NBEA: variants seen among roughly 807,000 people sequenced by gnomAD.
NBEA encodes neurobeachin, also known as lysosomal-trafficking regulator 2.
In NBEA, 44 loss-of-function variants were observed where a neutral mutation model predicts 343.4. The ratio of observed to expected loss-of-function variants is 0.13; its 90% CI spans 0.10 to 0.16. The LOEUF (loss-of-function observed/expected upper bound fraction) is 0.16, where lower values mean the gene tolerates loss of function less well. Ranked by LOEUF, NBEA falls within the 10% of genes least tolerant of loss-of-function variation. The pLI, the probability that NBEA is intolerant of heterozygous loss-of-function variation, is 1.00. For missense variants in NBEA, 2,555 were observed against 3,631.3 expected, an observed-to-expected ratio of 0.70 and a Z score of 7.62; for synonymous variants, 1,175 against 1,238.7, an observed-to-expected ratio of 0.95 and a Z score of 1.08.
chr13:35,082,552 T>C (rs1426374210), intron 10 of NBEA, among the ~76,000 whole-genome samples: 3 of 152,222 alleles, frequency 2.0e-5, no homozygotes, highest in Non-Finnish European at 4.4e-5. Context: ...AAAGTGTTCC[T>C]ATTTCTCCAC....
At chr13:35,566,847 A>T in intron 44 of NBEA, 58 bp from the exon 45 acceptor site, 1 of 919,966 alleles carries the variant, frequency 1.1e-6, no homozygotes, top group Non-Finnish European at 1.7e-6. Context: ...GTAAAAACAG[A>T]AACTATTTCA....
chr13:35,448,468 G>A (rs9530603), intron 39 of NBEA, among the ~76,000 whole-genome samples: 66,612 of 152,036 alleles, frequency 0.44, 17,288 homozygotes, highest in Middle Eastern at 0.61. Context: ...CTGAGATTCT[G>A]AGATACCCTG....
chr13:35,187,572 C>T (rs1464088615), intron 30 of NBEA, among the ~76,000 whole-genome samples: 1 of 151,578 alleles, frequency 6.6e-6, no homozygotes, highest in Non-Finnish European at 1.5e-5. Context: ...AGTTAAAATG[C>T]CTTAACATGG....
intron 36 of NBEA, among the ~76,000 whole-genome samples, chr13:35,336,371 A>G (rs1235810257): frequency 6.6e-6 from 1 of 152,100 alleles, no homozygotes; most frequent in Non-Finnish European, 1.5e-5. Flanking sequence ...ACAGACATTA[A>G]GTTTTTAAAA....
chr13:35,670,990 G>A lies in NBEA; in HGVS notation c.8903G>A (p.Ter2968=), dbSNP rs267603810. ...RWHYEHQNRY[*] ...CATTATGAGCATCAGAACAGATACT[G>A]AAGATAAAGGAAGAACCAAAAGCCA... The change falls in exon 59 of 59, where the codon TGA becomes TAA. Residue 2968 remains the stop codon, a stop_retained_variant. Transcript: ENST00000379939. The A allele has an allele frequency of 1.3e-6, 2 of 1,562,152 alleles. No homozygotes were observed. Among genetic ancestry groups the A allele is most frequent in the Non-Finnish European group, 1.7e-6 (2 of 1,150,418 alleles).
intron 49 of NBEA, among the ~76,000 whole-genome samples, chr13:35,641,388 A>G (rs918106623): frequency 1.3e-5 from 2 of 152,196 alleles, no homozygotes; most frequent in African/African-American, 4.8e-5. Context: ...GAATCTTCTA[A>G]GCAACTTTAT....
Position 35,427,609 on chromosome 13 carries a change from G to A in NBEA, c.6180-4660G>A, listed in dbSNP as rs539396092. ...ACCCACTTGAGGAGGCAGTCTGCCC[G>A]TTCTCAGATCTCAATCTGTGTGCTG... On this transcript the variant is annotated intron_variant, in intron 38 of 58. Transcript: ENST00000379939. Among the ~76,000 whole-genome samples, 227 of 152,300 alleles carry A rather than the reference G, an allele frequency of 1.5e-3. 1 individual carries two copies. Among genetic ancestry groups the A allele is most frequent in the African/African-American group, 4.3e-3 (179 of 41,566 alleles).
intron 13 of NBEA, among the ~76,000 whole-genome samples, chr13:35,114,752 A>G (rs2066411004): frequency 2.0e-5 from 3 of 152,310 alleles, no homozygotes; most frequent in South Asian, 4.1e-4. Context: ...TGGAATCAGC[A>G]TTTATTTTCC....
chr13:35,106,886 T>A (rs892475698), intron 11 of NBEA, among the ~76,000 whole-genome samples: 1 of 151,874 alleles, frequency 6.6e-6, no homozygotes, highest in South Asian at 2.1e-4. Context: ...GATATGTTTA[T>A]AATGGTCAGC....
At position 35,196,159 on chromosome 13, in the gene NBEA, C is replaced by A. The variant is rs199731274; in HGVS notation, c.5223C>A (p.Ile1741=). 6.2e-7 allele frequency: 1 copy of A among 1,613,638 alleles called. No homozygotes were observed. Among genetic ancestry groups the A allele is most frequent in the Non-Finnish European group, 8.5e-7 (1 of 1,179,730 alleles). Residue 1741 remains isoleucine, a synonymous_variant, in exon 31 of 59, where the codon ATC becomes ATA. Transcript: ENST00000379939. The stretch of plus-strand genomic sequence containing the variant: ...CTAGCATTAGTCAAACCAAAGGCAT[C>A]AATGTGAAGGAAATACTGAAAAGTC... The part of the protein sequence containing the change: ...SISSISQTKG[I]NVKEILKSLV...
chr13:35,310,599 A>C (rs1189987088), intron 36 of NBEA, among the ~76,000 whole-genome samples: 2 of 152,174 alleles, frequency 1.3e-5, no homozygotes, highest in Non-Finnish European at 2.9e-5. Context: ...TTATTTTTGC[A>C]GTGCTTTATT....
chr13:35,475,939 T>G (rs755262229), intron 41 of NBEA: 23 of 1,614,046 alleles, frequency 1.4e-5, no homozygotes, highest in Non-Finnish European at 1.9e-5. Flanking sequence ...GGAGATGACC[T>G]CGAGGCCCTC....
chr13:35,193,526 TCTC>T (rs1160120427), intron 30 of NBEA, among the ~76,000 whole-genome samples: 1 of 151,866 alleles, frequency 6.6e-6, no homozygotes, highest in Non-Finnish European at 1.5e-5. Flanking sequence ...CCCTTAGTCT[TCTC>T]CTCCTTCTCA....
intron 36 of NBEA, among the ~76,000 whole-genome samples, chr13:35,313,419 A>C (rs897312981): frequency 2.0e-5 from 3 of 152,220 alleles, no homozygotes; most frequent in African/African-American, 7.2e-5. Flanking sequence ...TGCTAATGAA[A>C]TATCTATTTA....
intron 17 of NBEA, among the ~76,000 whole-genome samples, chr13:35,139,490 A>AGGG (rs2067947323): frequency 6.6e-6 from 1 of 152,198 alleles, no homozygotes; most frequent in African/African-American, 2.4e-5. Context: ...CTGTAAAAAA[A>AGGG]AATAGATTAC....
At chr13:35,399,848 G>A (rs915804785) in intron 38 of NBEA, among the ~76,000 whole-genome samples, 23 of 152,016 alleles carry the variant, frequency 1.5e-4, no homozygotes, top group African/African-American at 5.6e-4. Flanking sequence ...GGCCATTGTA[G>A]GGTAATTCAT....
intron 55 of NBEA, among the ~76,000 whole-genome samples, chr13:35,656,364 A>G (rs999767771): frequency 2.0e-5 from 3 of 152,224 alleles, no homozygotes; most frequent in Admixed American, 6.5e-5. Context: ...CCTTCGTGAA[A>G]TAATTTTGGA....
At chr13:34,974,735 C>T (rs1455891075) in intron 1 of NBEA, among the ~76,000 whole-genome samples, 1 of 152,076 alleles carries the variant, frequency 6.6e-6, no homozygotes, top group Non-Finnish European at 1.5e-5. Context: ...TTCTTTTTGT[C>T]AGTAGCCACA....
At chr13:34,951,666 C>T (rs1279463606) in intron 1 of NBEA, among the ~76,000 whole-genome samples, 3 of 152,106 alleles carry the variant, frequency 2.0e-5, no homozygotes, top group Admixed American at 2.0e-4. Context: ...TGATTTCTTA[C>T]TTTGCATGAG....
Sources: gnomAD v4.1 joint callset for allele counts (sites outside exome capture counted in the v4.1 genomes callset) on GRCh38, gnomAD v4.1.1 for gene constraint, MANE v1.5 for transcripts, NCBI Gene and HGNC (gene_info 2026-07-23, HGNC 2026-07-21) for gene names.